VEPH1: variants seen among roughly 807,000 people sequenced by gnomAD.
VEPH1 encodes ventricular zone-expressed PH domain-containing protein homolog 1.
VEPH1 carries 80 observed loss-of-function variants against 85.2 expected under a neutral mutation model. That is an observed-to-expected ratio of 0.94 (90% CI 0.78 to 1.13). The LOEUF (loss-of-function observed/expected upper bound fraction) is 1.13. Among genes scored for constraint, VEPH1 ranks in the 50% most tolerant of loss-of-function variants. The probability of loss-of-function intolerance (pLI) is 0.00; values close to 1 mark genes in which losing one functional copy is unlikely to be tolerated. For missense variants in VEPH1, 955 were observed against 980.5 expected (o/e 0.97, Z 0.35); for synonymous variants, 297 against 348.0 (o/e 0.85, Z 1.63).
intron 6 of VEPH1, among the ~76,000 whole-genome samples, chr3:157,395,170 A>G (rs756358501): frequency 2.0e-5 from 3 of 152,192 alleles, no homozygotes; most frequent in Admixed American, 6.5e-5. Context: ...GGCAGTCGAC[A>G]AGGCAGTTCT....
chr3:157,404,540 T>C (rs1355126279), intron 6 of VEPH1, among the ~76,000 whole-genome samples: 3 of 151,954 alleles, frequency 2.0e-5, no homozygotes, highest in Non-Finnish European at 1.5e-5. Flanking sequence ...AGGAAACCAA[T>C]AGGGGAACAG....
intron 4 of VEPH1, among the ~76,000 whole-genome samples, chr3:157,448,824 C>T (rs1340116442): frequency 2.0e-5 from 3 of 152,180 alleles, no homozygotes; most frequent in Non-Finnish European, 4.4e-5. Flanking sequence ...TGTCCCCACC[C>T]AAATCTCATC....
chr3:157,362,480 C>A (rs1195932957), intron 9 of VEPH1, among the ~76,000 whole-genome samples: 1 of 152,130 alleles, frequency 6.6e-6, no homozygotes, highest in East Asian at 1.9e-4. Context: ...TTTAAGCCAC[C>A]TCCTGACTAT....
intron 12 of VEPH1, among the ~76,000 whole-genome samples, chr3:157,283,302 A>G (rs1286100007): frequency 6.6e-6 from 1 of 152,222 alleles, no homozygotes; most frequent in African/African-American, 2.4e-5. Flanking sequence ...TGACCTTGCG[A>G]AAATTACTTA....
In VEPH1 at chr3:157,385,415, C is replaced by T. The variant is rs79144301; in HGVS notation, c.907-4039G>A. Among the ~76,000 whole-genome samples, 257 of 152,174 alleles carry T rather than the reference C, an allele frequency of 1.7e-3. 5 individuals are homozygous for T. In the East Asian group the frequency reaches 0.047, roughly 28 times the overall value. On this transcript the variant is annotated intron_variant, in intron 6 of 13. Coordinates refer to ENST00000362010, the MANE Select transcript of VEPH1 (RefSeq NM_001167912.2). Reference sequence around the variant, plus strand: ...CTTTTGGTTTTAGGACCGCTTTACACTCTTGAAAATGATCAAAGATCCCAG... The same window carrying T: ...CTTTTGGTTTTAGGACCGCTTTACATTCTTGAAAATGATCAAAGATCCCAG...
intron 5 of VEPH1, among the ~76,000 whole-genome samples, chr3:157,419,880 C>A (rs1732198762): frequency 6.6e-6 from 1 of 152,090 alleles, no homozygotes; most frequent in African/African-American, 2.4e-5. Flanking sequence ...TGCATATGTT[C>A]ATTGCAGCAC....
intron 6 of VEPH1, among the ~76,000 whole-genome samples, chr3:157,410,910 C>T (rs1274970996): frequency 6.6e-6 from 1 of 152,170 alleles, no homozygotes; most frequent in African/African-American, 2.4e-5. Context: ...GTTTGTTCTT[C>T]ATCATTCTTT....
chr3:157,389,268 T>C (rs1176022984), intron 6 of VEPH1, among the ~76,000 whole-genome samples: 2 of 152,160 alleles, frequency 1.3e-5, no homozygotes, highest in African/African-American at 4.8e-5. Flanking sequence ...CTTCTTGTGG[T>C]TAGGAACACT....
chr3:157,410,388 G>A (rs1268799994), intron 6 of VEPH1, among the ~76,000 whole-genome samples: 2 of 151,940 alleles, frequency 1.3e-5, no homozygotes, highest in Non-Finnish European at 2.9e-5. Flanking sequence ...TTTCACTTTG[G>A]TACCCAAGAC....
chr3:157,467,110 A>AGTGTGTGTGT (rs1356618639), intron 3 of VEPH1, among the ~76,000 whole-genome samples: 2 of 113,960 alleles, frequency 1.8e-5, no homozygotes, highest in African/African-American at 3.9e-5. Flanking sequence ...CAAAAAGAAA[A>AGTGTGTGTGT]GTGTGTGTGT....
chr3:157,332,400 C>T (rs578043009), intron 9 of VEPH1, among the ~76,000 whole-genome samples: 1 of 152,178 alleles, frequency 6.6e-6, no homozygotes, highest in East Asian at 1.9e-4. Context: ...TCTTCATTTC[C>T]CCTCCTCCTA....
intron 1 of VEPH1, among the ~76,000 whole-genome samples, chr3:157,497,547 T>A (rs887693342): frequency 9.2e-5 from 14 of 152,200 alleles, no homozygotes; most frequent in African/African-American, 2.9e-4. Flanking sequence ...CTCAGTAAAA[T>A]AATATTCAGG....
At chr3:157,370,814 G>A (rs1474151386) in intron 7 of VEPH1, among the ~76,000 whole-genome samples, 1 of 152,140 alleles carries the variant, frequency 6.6e-6, no homozygotes, top group Non-Finnish European at 1.5e-5. Context: ...AGACAGTTGT[G>A]GGGGAAACTG....
intron 4 of VEPH1, among the ~76,000 whole-genome samples, chr3:157,430,559 A>G (rs543990407): frequency 1.2e-4 from 18 of 152,306 alleles, no homozygotes; most frequent in African/African-American, 4.3e-4. Flanking sequence ...AATGAGAGAT[A>G]TTTCTTAGGG....
chr3:157,422,875 C>A (rs908653839), intron 5 of VEPH1, among the ~76,000 whole-genome samples: 1 of 152,178 alleles, frequency 6.6e-6, no homozygotes, highest in Non-Finnish European at 1.5e-5. Flanking sequence ...CATATGCAAT[C>A]CACAATAAAT....
intron 4 of VEPH1, among the ~76,000 whole-genome samples, chr3:157,450,142 A>G (rs1266093048): frequency 2.0e-5 from 3 of 146,940 alleles, no homozygotes; most frequent in Non-Finnish European, 3.0e-5. Context: ...TGCAGCTTCA[A>G]CCTCCTGGGC....
intron 4 of VEPH1, chr3:157,437,180 T>G (rs1284372647): frequency 7.3e-7 from 1 of 1,366,802 alleles, no homozygotes; most frequent in Non-Finnish European, 1.0e-6. Context: ...TAGCTTGTTA[T>G]GCAAAAGTGA....
intron 9 of VEPH1, among the ~76,000 whole-genome samples, chr3:157,322,920 A>G (rs561917688): frequency 5.3e-5 from 8 of 152,344 alleles, no homozygotes; most frequent in African/African-American, 1.9e-4. Context: ...GTCTGATGAG[A>G]GCTTTCCAAA....
intron 2 of VEPH1, among the ~76,000 whole-genome samples, chr3:157,483,078 T>A (rs923365925): frequency 2.0e-5 from 3 of 151,814 alleles, no homozygotes; most frequent in African/African-American, 4.8e-5. Context: ...GCATCCATAC[T>A]AATAATCCTT....
Sources: allele counts gnomAD v4.1 joint callset (sites outside exome capture counted in the v4.1 genomes callset), GRCh38; gene constraint gnomAD v4.1.1; transcripts MANE v1.5; gene names NCBI Gene and HGNC (gene_info 2026-07-23, HGNC 2026-07-21).